The following CCNY variants were observed in gnomAD, a reference collection of about 807,000 sequenced individuals.
The protein encoded by CCNY is cyclin-Y.
CCNY carries 19 observed loss-of-function variants against 42.8 expected under a neutral mutation model. The observed-to-expected ratio is 0.44, with a 90% CI of 0.31 to 0.65. CCNY has a LOEUF of 0.65. CCNY is among the 30% of genes least tolerant of loss of function. The pLI, the probability that CCNY is intolerant of heterozygous loss-of-function variation, is 0.07. For missense variants in CCNY, 370 were observed against 437.3 expected (o/e 0.85, Z 1.37); for synonymous variants, 165 against 162.7 (o/e 1.01, Z -0.11).
chr10:35,393,903 T>TA (rs1226436289), intron 1 of CCNY, among the ~76,000 whole-genome samples: 3 of 151,998 alleles, frequency 2.0e-5, no homozygotes, highest in Admixed American at 1.3e-4. Flanking sequence ...ACCCTGTCTC[T>TA]AAAAAAACAA....
At chr10:35,351,132 A>G (rs1836420204) in intron 1 of CCNY, among the ~76,000 whole-genome samples, 1 of 152,248 alleles carries the variant, frequency 6.6e-6, no homozygotes, top group South Asian at 2.1e-4. Flanking sequence ...CAACACTGCT[A>G]TTACAGAGCT....
intron 1 of CCNY, among the ~76,000 whole-genome samples, chr10:35,390,951 C>T (rs936134558): frequency 6.6e-6 from 1 of 152,196 alleles, no homozygotes; most frequent in Non-Finnish European, 1.5e-5. Flanking sequence ...TCTGGGAACA[C>T]GGAACCCAGT....
chr10:35,284,804 A>G (rs1835335583), intron 3 of CCNY, among the ~76,000 whole-genome samples: 2 of 152,042 alleles, frequency 1.3e-5, no homozygotes, highest in African/African-American at 4.8e-5. Flanking sequence ...AAATTTTGAT[A>G]TGTTCTATTT....
intron 3 of CCNY, among the ~76,000 whole-genome samples, chr10:35,265,093 T>G (rs948503702): frequency 6.6e-6 from 1 of 152,218 alleles, no homozygotes; most frequent in African/African-American, 2.4e-5. Flanking sequence ...CATTTTGCTC[T>G]GCACTCTTAA....
intron 1 of CCNY, among the ~76,000 whole-genome samples, chr10:35,442,005 T>A (rs1162616915): frequency 6.6e-6 from 1 of 152,242 alleles, no homozygotes; most frequent in Non-Finnish European, 1.5e-5. Context: ...TAGTTTTAGT[T>A]AAAACGATGA....
At chr10:35,331,410 T>C (rs1818183965) in intron 3 of CCNY, among the ~76,000 whole-genome samples, 1 of 152,220 alleles carries the variant, frequency 6.6e-6, no homozygotes, top group Non-Finnish European at 1.5e-5. Flanking sequence ...GGCCATTTAG[T>C]CTGGGGACAA....
chr10:35,455,031 C>A (rs754546236), intron 1 of CCNY, among the ~76,000 whole-genome samples: 18 of 152,210 alleles, frequency 1.2e-4, no homozygotes, highest in Non-Finnish European at 1.9e-4. Flanking sequence ...TTAATTAACT[C>A]ACATGGACAT....
chr10:35,386,789 G>T (rs1837308225), intron 1 of CCNY, among the ~76,000 whole-genome samples: 1 of 151,428 alleles, frequency 6.6e-6, no homozygotes, highest in African/African-American at 2.4e-5. Flanking sequence ...TCTTAGATAT[G>T]TCAAGATTCC....
At chr10:35,322,874 T>C (rs144299995) in intron 3 of CCNY, among the ~76,000 whole-genome samples, 1 of 152,300 alleles carries the variant, frequency 6.6e-6, no homozygotes, top group African/African-American at 2.4e-5. Context: ...ACAACTCTCA[T>C]AACTTTACCG....
intron 3 of CCNY, among the ~76,000 whole-genome samples, chr10:35,290,084 GGCGTGGTGGCAT>G (rs1835393985): frequency 6.6e-6 from 1 of 151,766 alleles, no homozygotes; most frequent in Non-Finnish European, 1.5e-5. Context: ...AAATTAGCCT[GGCGTGGTGGCAT>G]GCGTTTGTAA....
intron 7 of CCNY, among the ~76,000 whole-genome samples, chr10:35,545,487 T>G (rs1443612131): frequency 1.3e-5 from 2 of 152,236 alleles, no homozygotes; most frequent in African/African-American, 4.8e-5. Flanking sequence ...CGCAGCGTTC[T>G]CCTGTGTGCA....
At chr10:35,346,110 A>G (rs965426067) in intron 1 of CCNY, among the ~76,000 whole-genome samples, 1 of 152,184 alleles carries the variant, frequency 6.6e-6, no homozygotes, top group Non-Finnish European at 1.5e-5. Context: ...ATGCTTTATT[A>G]TATTAAAATA....
chr10:35,439,461 T>C lies in CCNY; in HGVS notation c.155-43943T>C, dbSNP rs545981004. On this transcript the variant is annotated intron_variant, in intron 1 of 9. Coordinates refer to ENST00000374704, the MANE Select transcript of CCNY (RefSeq NM_145012.6). ...TTTCAGTTCTAAAATTTCCATTTGG[T>C]ACTTGTTTATAGTTTTTATTTGTTT... Among the ~76,000 whole-genome samples the C allele has an allele frequency of 2.4e-3, 365 of 152,304 alleles. 1 individual carries two copies. The highest frequency in any genetic ancestry group is 7.2e-3 in the South Asian group (35 of 4,828).
chr10:35,348,090 A>G (rs1239823947), intron 1 of CCNY, among the ~76,000 whole-genome samples: 1 of 152,122 alleles, frequency 6.6e-6, no homozygotes, highest in African/African-American at 2.4e-5. Flanking sequence ...GTGAACCGTT[A>G]TTGCACCATG....
intron 1 of CCNY, among the ~76,000 whole-genome samples, chr10:35,451,452 A>T (rs543358922): frequency 3.3e-5 from 5 of 152,296 alleles, no homozygotes; most frequent in South Asian, 2.1e-4. Flanking sequence ...AAATGACTGG[A>T]AAGTTGGTGA....
At chr10:35,383,335 T>C (rs988858612) in intron 1 of CCNY, among the ~76,000 whole-genome samples, 1 of 152,076 alleles carries the variant, frequency 6.6e-6, no homozygotes, top group Admixed American at 6.5e-5. Flanking sequence ...TAAGATGGTG[T>C]TTTGCTCTGT....
chr10:35,508,459 C>T (rs1448584757), intron 3 of CCNY, among the ~76,000 whole-genome samples: 1 of 152,196 alleles, frequency 6.6e-6, no homozygotes, highest in Non-Finnish European at 1.5e-5. Context: ...TCAGGCTCAT[C>T]TTGTACCTCT....
At chr10:35,379,788 C>A (rs945040551) in intron 1 of CCNY, among the ~76,000 whole-genome samples, 4 of 152,192 alleles carry the variant, frequency 2.6e-5, no homozygotes, top group African/African-American at 9.7e-5. Flanking sequence ...CCTTTATCCA[C>A]CCCCTACCCC....
intron 3 of CCNY, among the ~76,000 whole-genome samples, chr10:35,291,959 T>G (rs1405438391): frequency 6.6e-6 from 1 of 152,218 alleles, no homozygotes; most frequent in Non-Finnish European, 1.5e-5. Flanking sequence ...CAAACTGCTT[T>G]CCAAAGAGAT....
Sources: allele counts gnomAD v4.1 joint callset (sites outside exome capture counted in the v4.1 genomes callset), GRCh38; gene constraint gnomAD v4.1.1; transcripts MANE v1.5; gene names NCBI Gene and HGNC (gene_info 2026-07-23, HGNC 2026-07-21).